Variants in CCND3 observed in about 807,000 individuals in gnomAD.
CCND3 encodes cyclin D3.
CCND3 carries 9 observed loss-of-function variants against 28.7 expected under a neutral mutation model. The ratio of observed to expected loss-of-function variants is 0.31; its 90% confidence interval spans 0.19 to 0.55. CCND3 has a LOEUF of 0.55. Ranked by LOEUF, CCND3 falls within the 20% of genes least tolerant of loss-of-function variation. The pLI, the probability that CCND3 is intolerant of heterozygous loss-of-function variation, is 0.93. For missense variants in CCND3, 315 were observed against 385.8 expected, an observed-to-expected ratio of 0.82 and a Z score of 1.54; for synonymous variants, 164 against 163.9, an observed-to-expected ratio of 1.00 and a Z score of 0.00.
At chr6:42,023,871 C>A (rs972924955) in intron 1 of CCND3, among the ~76,000 whole-genome samples, 2 of 152,012 alleles carry the variant, frequency 1.3e-5, no homozygotes, top group East Asian at 3.8e-4. Context: ...CTTAGATATC[C>A]CTAGGTTGAT....
intron 1 of CCND3, among the ~76,000 whole-genome samples, chr6:41,954,585 G>A (rs893618334): frequency 2.0e-5 from 3 of 151,732 alleles, no homozygotes; most frequent in African/African-American, 7.3e-5. Flanking sequence ...TTTAGAGATG[G>A]AGGGGGCTTT....
chr6:42,039,666 G>A (rs1423502704), intron 1 of CCND3, among the ~76,000 whole-genome samples: 3 of 152,254 alleles, frequency 2.0e-5, no homozygotes, highest in Admixed American at 1.3e-4. Context: ...CACCATTGCC[G>A]CAGTTGGGGT....
intron 1 of CCND3, among the ~76,000 whole-genome samples, chr6:42,025,867 A>C (rs1763861541): frequency 6.6e-6 from 1 of 152,196 alleles, no homozygotes; most frequent in Non-Finnish European, 1.5e-5. Flanking sequence ...CACACACGGA[A>C]CATGGTACCC....
At chr6:41,962,352 G>A (rs956067671) in intron 1 of CCND3, among the ~76,000 whole-genome samples, 11 of 151,614 alleles carry the variant, frequency 7.3e-5, no homozygotes, top group Non-Finnish European at 1.5e-5. Context: ...CACCTGCCTC[G>A]GCCTCGCAAA....
intron 1 of CCND3, among the ~76,000 whole-genome samples, chr6:42,029,127 C>T (rs1763972249): frequency 6.6e-6 from 1 of 151,556 alleles, no homozygotes; most frequent in Non-Finnish European, 1.5e-5. Context: ...CAAGCAGGCA[C>T]CACCAGCTAT....
At chr6:41,952,940 G>A (rs1257883819) in intron 1 of CCND3, among the ~76,000 whole-genome samples, 1 of 152,126 alleles carries the variant, frequency 6.6e-6, no homozygotes, top group African/African-American at 2.4e-5. Flanking sequence ...TTGTCAGGGT[G>A]GCCAATGACA....
At chr6:41,989,382 G>A (rs1170439327) in intron 1 of CCND3, among the ~76,000 whole-genome samples, 1 of 148,576 alleles carries the variant, frequency 6.7e-6, no homozygotes, top group Non-Finnish European at 1.5e-5. Flanking sequence ...TTGAACCTGG[G>A]AGATGGAGGT....
chr6:41,951,642 A>G (rs1264818035), intron 1 of CCND3, among the ~76,000 whole-genome samples: 1 of 151,714 alleles, frequency 6.6e-6, no homozygotes, highest in Non-Finnish European at 1.5e-5. Flanking sequence ...AAGAAAGTTT[A>G]GGTGGGGGGT....
In CCND3 at chr6:41,941,040, C is replaced by T. The variant is rs1467130652; in HGVS notation, c.198+412G>A. On this transcript the variant is annotated intron_variant, in intron 1 of 4. Transcript: ENST00000372991. The surrounding 1 kb of genome is among the most constrained non-coding windows in gnomAD (Gnocchi z 6.1). ...AACAGGGCGCGCGCCACCCCCATCG[C>T]CTTCCCCGCCAGAACCCCGCGAAAG... 6.2e-7 allele frequency: 1 copy of T among 1,602,696 alleles called. No individual in the cohort carries two copies. The highest frequency in any genetic ancestry group is 8.5e-7 in the Non-Finnish European group (1 of 1,173,612).
intron 1 of CCND3, among the ~76,000 whole-genome samples, chr6:41,996,139 T>TATATATA (rs1491589408): frequency 7.6e-3 from 136 of 17,864 alleles, no homozygotes; most frequent in Non-Finnish European, 0.013. Context: ...TATATATATA[T>TATATATA]TTTTTTTGTT....
intron 1 of CCND3, among the ~76,000 whole-genome samples, chr6:42,012,334 G>C (rs1339689545): frequency 6.6e-6 from 1 of 151,054 alleles, no homozygotes; most frequent in Non-Finnish European, 1.5e-5. Context: ...TGAACCTGGG[G>C]TGGGATGGGG....
In CCND3 at chr6:41,937,226, G is replaced by A; in HGVS notation, c.574+9C>T. 6.2e-7 allele frequency: 1 copy of A among 1,614,064 alleles called. No individual in the cohort carries two copies. Among genetic ancestry groups the A allele is most frequent in the Non-Finnish European group, 8.5e-7 (1 of 1,180,000 alleles). Reference sequence around the variant, plus strand: ...TCCAATTTGGCAAAAATGTGCATAGGGCTCTTACCTGTAGCACAGAGGGCC... The same window carrying A: ...TCCAATTTGGCAAAAATGTGCATAGAGCTCTTACCTGTAGCACAGAGGGCC... On this transcript the variant is annotated intron_variant, in intron 3 of 4. Transcript: ENST00000372991.
intron 1 of CCND3, chr6:42,018,531 A>G (rs72664259): frequency 0.21 from 32,319 of 151,948 alleles, 3,608 homozygotes; most frequent in Middle Eastern, 0.31. Flanking sequence ...GGCCATTTTT[A>G]TTTAACTTGA....
chr6:41,991,632 CTAT>C (rs909622670), intron 1 of CCND3, among the ~76,000 whole-genome samples: 8 of 152,098 alleles, frequency 5.3e-5, no homozygotes, highest in African/African-American at 1.9e-4. Context: ...CTGTTTGAAA[CTAT>C]TATTATTATT....
At chr6:42,046,899 T>G (rs1042704715) in intron 1 of CCND3, among the ~76,000 whole-genome samples, 1 of 152,198 alleles carries the variant, frequency 6.6e-6, no homozygotes, top group Non-Finnish European at 1.5e-5. Flanking sequence ...GAATAAAGCC[T>G]CCCAAATCAA....
rs1015812993 is a variant in CCND3, at chr6:41,935,389, TCTGG to T, written c.*547_*550del. 1.2e-5 allele frequency: 3 copies of T among 240,994 alleles called. No homozygotes were observed. Among genetic ancestry groups the T allele is most frequent in the African/African-American group, 6.6e-5 (3 of 45,640 alleles). 14.9% of individuals were successfully genotyped at this position (240,994 alleles called of 1,614,324 possible). ...AAAGCAAAGAGGAATTTATAGCTTC[TCTGG>T]CTGAGGCCTAGGCCCCTCCCTCTAG... On this transcript the variant is annotated 3_prime_UTR_variant, in exon 5 of 5. Transcript: ENST00000372991.
Position 41,947,254 on chromosome 6 carries a change from G to A in CCND3, c.-45-6669C>T, listed in dbSNP as rs924671931. 7.9e-5 allele frequency among the ~76,000 whole-genome samples: 12 copies of A among 152,038 alleles called. 1 individual carries two copies. The highest frequency in any genetic ancestry group is 2.9e-4 in the African/African-American group (12 of 41,486). ...AAAAAGAAAAGAAAAGAAACAGCCT[G>A]GATGGGCATTTAAAATCCCAACACA... On this transcript the variant is annotated intron_variant, in intron 1 of 4. Transcript: ENST00000372988.
chr6:42,026,270 C>T (rs1331202943), intron 1 of CCND3, among the ~76,000 whole-genome samples: 1 of 151,986 alleles, frequency 6.6e-6, no homozygotes, highest in Non-Finnish European at 1.5e-5. Context: ...AGCACAGACC[C>T]TCTCCCCCCG....
At chr6:42,024,673 C>T (rs1289200533) in intron 1 of CCND3, among the ~76,000 whole-genome samples, 1 of 152,118 alleles carries the variant, frequency 6.6e-6, no homozygotes, top group African/African-American at 2.4e-5. Context: ...GTAATTCCAC[C>T]ATTTTGGGAG....
Sources: gnomAD v4.1 joint callset for allele counts (sites outside exome capture counted in the v4.1 genomes callset) on GRCh38, gnomAD v4.1.1 for gene constraint, Gnocchi (gnomAD v3.1) non-coding constraint, MANE v1.5 for transcripts, NCBI Gene and HGNC (gene_info 2026-07-23, HGNC 2026-07-21) for gene names.